ETNK2: variants seen among roughly 807,000 people sequenced by gnomAD.
The protein encoded by ETNK2 is ethanolamine kinase 2.
In ETNK2, 33 loss-of-function variants were observed where a neutral mutation model predicts 46.2. That is an observed-to-expected ratio of 0.71 (90% CI 0.54 to 0.96). ETNK2 has a LOEUF of 0.96. Ranked by LOEUF, ETNK2 falls within the 40% of genes least tolerant of loss-of-function variation. ETNK2 has a pLI of 0.00. For synonymous variants in ETNK2, 194 were observed against 209.0 expected, an observed-to-expected ratio of 0.93 and a Z score of 0.62; for missense variants, 445 against 509.7, an observed-to-expected ratio of 0.87 and a Z score of 1.22.
chr1:204,146,567 G>A (rs6685005), intron 3 of ETNK2, 75 bp downstream of exon 3: 64 of 1,576,966 alleles, frequency 4.1e-5, no homozygotes, highest in Non-Finnish European at 5.4e-5. Flanking sequence ...CCTCCTAGCA[G>A]GGTGGGCTGG....
At chr1:204,146,994 C>G (rs1199593267) in intron 2 of ETNK2, 1 of 656,790 alleles carries the variant, frequency 1.5e-6, no homozygotes, top group South Asian at 1.5e-5. Context: ...TTTCCAGTGC[C>G]AGGCTGGGGC....
At position 204,149,807 on chromosome 1, in the gene ETNK2, G is replaced by A; in HGVS notation, c.414C>T (p.Ser138=). ...VRNFQLLRAH[S]CAPKLYCTFQ... ...AGGTGCAGTAGAGTTTGGGGGCACA[G>A]CTGTGTGCTCGCAGCAGCTGGAAGT... Residue 138 remains serine, a synonymous_variant, in exon 2 of 8, where the codon AGC becomes AGT. Coordinates refer to ENST00000367202, the MANE Select transcript of ETNK2 (RefSeq NM_018208.4). 1 of 1,607,784 alleles carries A rather than the reference G, an allele frequency of 6.2e-7. No individual in the cohort carries two copies. The highest frequency in any genetic ancestry group is 1.1e-5 in the South Asian group (1 of 89,452).
Position 204,151,387 on chromosome 1 carries a change from G to T in ETNK2, c.258+208C>A. 1.4e-6 allele frequency: 1 copy of T among 696,864 alleles called. No individual in the cohort carries two copies. The highest frequency in any genetic ancestry group is 2.3e-6 in the Non-Finnish European group (1 of 442,120). The allele number at this position is 696,864 out of a possible 1,614,324, so 43.2% of individuals were successfully genotyped here. The stretch of plus-strand genomic sequence containing the variant: ...GGCGTGCCTAAGAGCCCCGGGAGGA[G>T]GGGGGCGTGTGCAGGGCCAAGGGAG... On this transcript the variant is annotated intron_variant, in intron 1 of 7. Coordinates refer to ENST00000367202, the MANE Select transcript of ETNK2 (RefSeq NM_018208.4). This position sits in a 1 kb window ranked among gnomAD's most constrained non-coding sequence, Gnocchi z 8.0.
intron 3 of ETNK2, among the ~76,000 whole-genome samples, chr1:204,145,702 G>C (rs1558236896): frequency 6.6e-6 from 1 of 152,170 alleles, no homozygotes; most frequent in Non-Finnish European, 1.5e-5. Context: ...TTATTATCTT[G>C]TCATCTTGGA....
intron 7 of ETNK2, among the ~76,000 whole-genome samples, chr1:204,133,529 AT>A (rs1197144097): frequency 2.2e-4 from 29 of 131,634 alleles, no homozygotes; most frequent in African/African-American, 3.5e-4. Context: ...ATTTTATTTT[AT>A]TTTATTTTTT....
chr1:204,145,995 A>T (rs1313135353), intron 3 of ETNK2, among the ~76,000 whole-genome samples: 1 of 152,146 alleles, frequency 6.6e-6, no homozygotes, highest in Non-Finnish European at 1.5e-5. Flanking sequence ...CTGTCTTATC[A>T]GGGAAAGGCA....
intron 3 of ETNK2, 40 bp downstream of exon 3, chr1:204,146,602 T>C (rs377335503): frequency 3.7e-6 from 6 of 1,610,572 alleles, no homozygotes; most frequent in Non-Finnish European, 5.1e-6. Flanking sequence ...GGAAGGGAGA[T>C]CATATTAAGG....
intron 4 of ETNK2, 178 bp downstream of exon 4, chr1:204,141,137 C>A (rs1657509814): frequency 3.6e-6 from 3 of 829,940 alleles, no homozygotes; most frequent in Non-Finnish European, 6.1e-6. Flanking sequence ...TTGGCACAGA[C>A]TTTTCAAAGT....
At chr1:204,144,742 C>T (rs72747897) in intron 3 of ETNK2, among the ~76,000 whole-genome samples, 6,516 of 152,230 alleles carry the variant, frequency 0.043, 388 homozygotes, top group East Asian at 0.27. Flanking sequence ...CCCAGGTCCT[C>T]CCAAAGATCT....
At chr1:204,146,616 C>T (rs189471245) in intron 3 of ETNK2, 26 bp downstream of exon 3, 3 of 1,613,446 alleles carry the variant, frequency 1.9e-6, no homozygotes, top group Admixed American at 1.7e-5. Flanking sequence ...ATTAAGGCAG[C>T]CTTGGACCCT....
chr1:204,140,357 C>T (rs1657459718), intron 4 of ETNK2, among the ~76,000 whole-genome samples: 1 of 152,148 alleles, frequency 6.6e-6, no homozygotes, highest in South Asian at 2.1e-4. Flanking sequence ...GTCCCTCTCA[C>T]ACAGCTGGAT....
At position 204,134,595 on chromosome 1, in the gene ETNK2, A is replaced by G. The variant is rs1000284345; in HGVS notation, c.1015-7T>C. The stretch of plus-strand genomic sequence containing the variant: ...CCCAGAAGAAGTGAGACGCCTGGAA[A>G]CAGACCAGAGAGGGTCAGCCTGGCA... On this transcript the variant is annotated splice_region_variant and splice_polypyrimidine_tract_variant and intron_variant, in intron 6 of 7. Coordinates refer to ENST00000367202, the MANE Select transcript of ETNK2 (RefSeq NM_018208.4). 2.5e-6 allele frequency: 4 copies of G among 1,613,914 alleles called. No homozygotes were observed. Among genetic ancestry groups the G allele is most frequent in the Non-Finnish European group, 3.4e-6 (4 of 1,179,904 alleles).
At chr1:204,150,137 G>A (rs1225091123) in intron 1 of ETNK2, among the ~76,000 whole-genome samples, 175 bp from the exon 2 acceptor site, 1 of 152,058 alleles carries the variant, frequency 6.6e-6, no homozygotes, top group Non-Finnish European at 1.5e-5. Context: ...CCCAACCTTG[G>A]GAGTCTCCAG....
intron 2 of ETNK2, chr1:204,147,725 G>C: frequency 2.7e-6 from 1 of 366,712 alleles, no homozygotes; most frequent in Non-Finnish European, 5.4e-6. Flanking sequence ...GCCAGGCCCT[G>C]GAAAGAGGCA....
Position 204,131,915 on chromosome 1 carries a change from G to T in ETNK2, c.*269C>A. 2.0e-6 allele frequency: 1 copy of T among 510,268 alleles called. No homozygotes were observed. The highest frequency in any genetic ancestry group is 3.5e-6 in the Non-Finnish European group (1 of 281,742). The allele number at this position is 510,268 out of a possible 1,614,324, so 31.6% of individuals were successfully genotyped here. ...GATGTGTTTCCCAGGGGTGGTTATG[G>T]TTCAGGACCTGGCTGCAGGCACTTC... On this transcript the variant is annotated 3_prime_UTR_variant, in exon 8 of 8. Transcript: ENST00000367202. The surrounding 1 kb of genome is among the most constrained non-coding windows in gnomAD (Gnocchi z 4.3).
Position 204,137,243 on chromosome 1 carries a change from T to C in ETNK2, c.875A>G (p.Asn292Ser). The C allele has an allele frequency of 1.9e-6, 3 of 1,613,662 alleles. No individual in the cohort carries two copies. The highest frequency in any genetic ancestry group is 2.5e-6 in the Non-Finnish European group (3 of 1,179,720). ...GNHFNEFAGV[N>S]EVDYCLYPAR... ...CGGGTACAGGCAGTAATCCACCTCA[T>C]TCACGCCTGAGGGGGAGGCAGGCCA... Residue 292 changes from asparagine (N) to serine (S), a missense_variant, in exon 6 of 8, where the codon AAT becomes AGT. Physicochemically the swap from Asn to Ser is conservative, Grantham distance 46. Coordinates refer to ENST00000367202, the MANE Select transcript of ETNK2 (RefSeq NM_018208.4).
chr1:204,151,868 C>G lies in ETNK2; in HGVS notation c.-16G>C. 7.0e-7 allele frequency: 1 copy of G among 1,421,958 alleles called. No individual in the cohort carries two copies. Among genetic ancestry groups the G allele is most frequent in the East Asian group, 2.8e-5 (1 of 35,340 alleles). 88.1% of individuals were successfully genotyped at this position (1,421,958 alleles called of 1,614,324 possible). A position where few individuals can be genotyped will look rare whatever the true frequency, so the allele number is the denominator to read the frequency against. ...GCACAGCCATTCCCAGCAGCCCCAC[C>G]CCCTCGGAGCCGCGGCAGACGCTAG... On this transcript the variant is annotated 5_prime_UTR_variant, in exon 1 of 8. Transcript: ENST00000367202. The surrounding 1 kb of genome is among the most constrained non-coding windows in gnomAD (Gnocchi z 8.0).
chr1:204,135,460 C>G lies in ETNK2; in HGVS notation c.1015-872G>C, dbSNP rs942985520. The stretch of plus-strand genomic sequence containing the variant: ...AATAAAATAAAATAAAGCCAGGGAG[C>G]TGCGGTTCCCGTCTACCCCTGAACA... On this transcript the variant is annotated intron_variant, in intron 6 of 7. Transcript: ENST00000367202. 6.6e-5 allele frequency among the ~76,000 whole-genome samples: 10 copies of G among 152,270 alleles called. No individual in the cohort carries two copies. The South Asian group carries it at 1.9e-3, about 28-fold the overall frequency.
Position 204,131,249 on chromosome 1 carries a change from T to A in ETNK2, c.*935A>T, listed in dbSNP as rs1020641138. On this transcript the variant is annotated 3_prime_UTR_variant, in exon 8 of 8. Coordinates refer to ENST00000367202, the MANE Select transcript of ETNK2 (RefSeq NM_018208.4). The surrounding 1 kb of genome is among the most constrained non-coding windows in gnomAD (Gnocchi z 4.3). ...GGATCCTGCCCAGGCTCTCCCACGATAGGCCCTGGGGGGCCCTGGCCCCCA... is the reference window on the plus strand; with the variant it reads ...GGATCCTGCCCAGGCTCTCCCACGAAAGGCCCTGGGGGGCCCTGGCCCCCA... 2.0e-5 allele frequency: 3 copies of A among 152,322 alleles called. No individual in the cohort carries two copies. The highest frequency in any genetic ancestry group is 2.9e-5 in the Non-Finnish European group (2 of 68,148). The allele number at this position is 152,322 out of a possible 1,614,324, so 9.4% of individuals were successfully genotyped here. A position where few individuals can be genotyped will look rare whatever the true frequency, so the allele number is the denominator to read the frequency against.
Sources: allele counts gnomAD v4.1 joint callset (sites outside exome capture counted in the v4.1 genomes callset), GRCh38; gene constraint gnomAD v4.1.1; non-coding constraint Gnocchi (gnomAD v3.1); transcripts MANE v1.5; gene names NCBI Gene and HGNC (gene_info 2026-07-23, HGNC 2026-07-21).